Variants in WAC observed in about 807,000 individuals in gnomAD.
WAC encodes WW domain-containing adapter protein with coiled-coil.
Under a neutral mutation model 79.6 loss-of-function variants are expected in WAC, and 11 were observed. The ratio of observed to expected loss-of-function variants is 0.14; its 90% confidence interval spans 0.09 to 0.23. The LOEUF (loss-of-function observed/expected upper bound fraction) is 0.23, where lower values mean the gene tolerates loss of function less well. Ranked by LOEUF, WAC falls within the 10% of genes least tolerant of loss-of-function variation. The probability of loss-of-function intolerance (pLI) is 1.00; values close to 1 mark genes in which losing one functional copy is unlikely to be tolerated. For synonymous variants in WAC, 304 were observed against 276.9 expected (o/e 1.10, Z -0.97); for missense variants, 728 against 773.5 (o/e 0.94, Z 0.70).
intron 3 of WAC, among the ~76,000 whole-genome samples, chr10:28,568,270 CAAAAATACATTATTCCAGTTGCTGA>C (rs1838759845): frequency 6.6e-6 from 1 of 152,134 alleles, no homozygotes; most frequent in Admixed American, 6.5e-5. Flanking sequence ...GAGTTGTTTG[CAAAAATACATTATTCCAGTTGCTGA>C]ATTAATGGCT....
chr10:28,587,151 A>C (rs1050196436), intron 4 of WAC, among the ~76,000 whole-genome samples: 2 of 146,168 alleles, frequency 1.4e-5, no homozygotes, highest in African/African-American at 4.9e-5. Context: ...CTACCATATT[A>C]AAAATTAAAA....
Position 28,574,149 on chromosome 10 carries a change from G to GTT in WAC, c.275-9244_275-9243dup, listed in dbSNP as rs549944257. ...TGACTTTAAGAATAATGCATTATGT[G>GTT]TTTTTTTGTTTTGTTTTGTTTTTGT... On this transcript the variant is annotated intron_variant, in intron 3 of 13. Coordinates refer to ENST00000354911, the MANE Select transcript of WAC (RefSeq NM_016628.5). 3.4e-4 allele frequency among the ~76,000 whole-genome samples: 52 copies of GTT among 151,848 alleles called. No individual in the cohort carries two copies. The East Asian group carries it at 6.8e-3, about 20-fold the overall frequency.
intron 10 of WAC, among the ~76,000 whole-genome samples, chr10:28,612,473 C>T (rs535982973): frequency 6.6e-6 from 1 of 152,262 alleles, no homozygotes; most frequent in East Asian, 1.9e-4. Flanking sequence ...GTATTTGTCC[C>T]AGCAGAATCT....
intron 3 of WAC, among the ~76,000 whole-genome samples, chr10:28,543,671 CTA>C (rs1169656680): frequency 6.6e-6 from 1 of 152,182 alleles, no homozygotes; most frequent in Non-Finnish European, 1.5e-5. Flanking sequence ...GGTCCTTGAG[CTA>C]TATAGTGCTT....
intron 3 of WAC, among the ~76,000 whole-genome samples, chr10:28,550,791 G>A (rs1239082057): frequency 6.6e-6 from 1 of 152,118 alleles, no homozygotes; most frequent in African/African-American, 2.4e-5. Context: ...TCAGGAAAAT[G>A]TGTGAACTGT....
chr10:28,533,834 C>A, intron 1 of WAC, 164 bp from the exon 2 acceptor site: 1 of 1,026,060 alleles, frequency 9.7e-7, no homozygotes, highest in Non-Finnish European at 1.4e-6. Flanking sequence ...CCCTCTCCGG[C>A]CCTTCCGGAG....
intron 3 of WAC, among the ~76,000 whole-genome samples, chr10:28,542,307 C>G (rs538466702): frequency 1.3e-5 from 2 of 152,248 alleles, no homozygotes; most frequent in Non-Finnish European, 2.9e-5. Context: ...TGAAGGTGAC[C>G]TGTTATGATT....
Position 28,619,641 on chromosome 10 carries a change from G to T in WAC, c.*35G>T. 1.3e-6 allele frequency: 2 copies of T among 1,534,520 alleles called. No homozygotes were observed. Among genetic ancestry groups the T allele is most frequent in the South Asian group, 2.5e-5 (2 of 81,232 alleles). ...TAATTGCACATGGTTTTGAGAACAG[G>T]AACTGTAAATCTGTTGCCCAATCTT... On this transcript the variant is annotated 3_prime_UTR_variant, in exon 14 of 14. Coordinates refer to ENST00000354911, the MANE Select transcript of WAC (RefSeq NM_016628.5).
At chr10:28,550,670 T>C (rs1265103826) in intron 3 of WAC, among the ~76,000 whole-genome samples, 1 of 152,168 alleles carries the variant, frequency 6.6e-6, no homozygotes, top group Non-Finnish European at 1.5e-5. Flanking sequence ...AACTTTTAAG[T>C]GCATTTAAGA....
chr10:28,574,163 TTTTG>T (rs984531748), intron 3 of WAC, among the ~76,000 whole-genome samples: 4 of 152,240 alleles, frequency 2.6e-5, no homozygotes, highest in African/African-American at 4.8e-5. Flanking sequence ...TTTTGTTTTG[TTTTG>T]TTTTTGTTTT....
chr10:28,535,435 G>T, intron 2 of WAC, 127 bp from the exon 3 acceptor site: 5 of 1,133,958 alleles, frequency 4.4e-6, no homozygotes, highest in East Asian at 3.0e-5. Flanking sequence ...AAGCAGAATT[G>T]AAAGTGGAAA....
chr10:28,573,391 G>GTA (rs1347041656), intron 3 of WAC, among the ~76,000 whole-genome samples: 1 of 152,124 alleles, frequency 6.6e-6, no homozygotes, highest in Non-Finnish European at 1.5e-5. Flanking sequence ...TGATTACACA[G>GTA]TATGTGGTCT....
At chr10:28,550,587 A>C (rs1024804404) in intron 3 of WAC, among the ~76,000 whole-genome samples, 3 of 152,144 alleles carry the variant, frequency 2.0e-5, no homozygotes, top group African/African-American at 4.8e-5. Context: ...AGTAAATGTT[A>C]AATGTCTTAT....
At chr10:28,587,948 C>T (rs543608738) in intron 4 of WAC, among the ~76,000 whole-genome samples, 87 of 151,692 alleles carry the variant, frequency 5.7e-4, no homozygotes, top group African/African-American at 2.0e-3. Flanking sequence ...TAAAGCACAA[C>T]TTCTGTGAAA....
chr10:28,601,133 A>G (rs1252311893), intron 7 of WAC, among the ~76,000 whole-genome samples: 1 of 152,140 alleles, frequency 6.6e-6, no homozygotes, highest in African/African-American at 2.4e-5. Context: ...AAGGGAGTGA[A>G]AATGCTATTC....
chr10:28,620,210 T>C lies in WAC; in HGVS notation c.*604T>C, dbSNP rs1276132057. 6.5e-6 allele frequency: 1 copy of C among 152,810 alleles called. No individual in the cohort carries two copies. The highest frequency in any genetic ancestry group is 2.1e-4 in the South Asian group (1 of 4,832). The allele number at this position is 152,810 out of a possible 1,614,324, so 9.5% of individuals were successfully genotyped here. On this transcript the variant is annotated 3_prime_UTR_variant, in exon 14 of 14. Coordinates refer to ENST00000354911, the MANE Select transcript of WAC (RefSeq NM_016628.5). ...CCATTTCCTTCTGAAATTCTGATTTTATCCATTTTTTTAAGGCTCCTCTTT... is the reference window on the plus strand; with the variant it reads ...CCATTTCCTTCTGAAATTCTGATTTCATCCATTTTTTTAAGGCTCCTCTTT...
rs749167904 is a variant in WAC, at chr10:28,594,731, CAGAG to C, written c.611-999_611-996del. On this transcript the variant is annotated intron_variant, in intron 6 of 13. Transcript: ENST00000354911. Reference sequence around the variant, plus strand: ...TTGAAAAAAACTATACAATAATCAACAGAGAGGGCATCCTTTAGTAAAATTATTG... The same window carrying C: ...TTGAAAAAAACTATACAATAATCAACAGGGCATCCTTTAGTAAAATTATTG... 7.2e-5 allele frequency among the ~76,000 whole-genome samples: 11 copies of C among 152,252 alleles called. No homozygotes were observed. The South Asian group carries it at 1.9e-3, about 26-fold the overall frequency.
chr10:28,597,194 C>T (rs928215442), intron 7 of WAC, among the ~76,000 whole-genome samples: 1 of 151,876 alleles, frequency 6.6e-6, no homozygotes, highest in African/African-American at 2.4e-5. Context: ...ATGTCAAATT[C>T]GGTAAAGATG....
intron 3 of WAC, among the ~76,000 whole-genome samples, chr10:28,550,902 T>C (rs902380344): frequency 6.6e-6 from 1 of 152,248 alleles, no homozygotes; most frequent in African/African-American, 2.4e-5. Context: ...CTAGTGTCCG[T>C]TGCATTAGTA....
Sources: gnomAD v4.1 joint callset for allele counts (sites outside exome capture counted in the v4.1 genomes callset) on GRCh38, gnomAD v4.1.1 for gene constraint, MANE v1.5 for transcripts, NCBI Gene and HGNC (gene_info 2026-07-23, HGNC 2026-07-21) for gene names.